Variants in CNTN1 observed in about 807,000 individuals in gnomAD.
CNTN1 encodes contactin-1.
A neutral mutation model predicts 126.4 loss-of-function variants in CNTN1; 38 were observed. The observed-to-expected ratio is 0.30, with a 90% confidence interval of 0.23 to 0.39. CNTN1 has a LOEUF of 0.39. Among genes scored for constraint, CNTN1 ranks in the 10% least tolerant of loss-of-function variants. The pLI, the probability that CNTN1 is intolerant of heterozygous loss-of-function variation, is 1.00. For synonymous variants in CNTN1, 413 were observed against 422.6 expected (o/e 0.98, Z 0.28); for missense variants, 1,009 against 1,248.4 (o/e 0.81, Z 2.89).
At chr12:40,828,610 G>A (rs1188055525) in intron 1 of CNTN1, among the ~76,000 whole-genome samples, 1 of 152,198 alleles carries the variant, frequency 6.6e-6, no homozygotes, top group African/African-American at 2.4e-5. Flanking sequence ...TTACCTCCTT[G>A]TGGGGAAGTT....
rs33992864 is a variant in CNTN1, at chr12:40,759,774, A to ATTTTTTTTTTTTTTTTTTTTTT, written c.-77+67201_-77+67202insTTTTTTTTTTTTTTTTTTTTTT. On this transcript the variant is annotated intron_variant, in intron 1 of 23. Coordinates refer to ENST00000551295, the MANE Select transcript of CNTN1 (RefSeq NM_001843.4). ...GTGAGCCACCTCACTTGGCCCAGATATTTTTTTTTTTTTTTTTTTCAAAAA... is the reference window on the plus strand; with the variant it reads ...GTGAGCCACCTCACTTGGCCCAGATATTTTTTTTTTTTTTTTTTTTTTTTTTTTTTTTTTTTTTTTTCAAAAA... 2.8e-4 allele frequency among the ~76,000 whole-genome samples: 38 copies of ATTTTTTTTTTTTTTTTTTTTTT among 133,570 alleles called. 1 individual carries two copies. The highest frequency in any genetic ancestry group is 9.8e-4 in the African/African-American group (35 of 35,646). 87.6% of individuals were successfully genotyped at this position (133,570 alleles called of 152,430 possible). A position where few individuals can be genotyped will look rare whatever the true frequency, so the allele number is the denominator to read the frequency against.
intron 1 of CNTN1, among the ~76,000 whole-genome samples, chr12:40,720,258 T>C (rs546212930): frequency 5.3e-5 from 8 of 152,154 alleles, no homozygotes; most frequent in Admixed American, 3.3e-4. Flanking sequence ...ATCAAAAGAG[T>C]AAGTTTTGAA....
chr12:40,731,901 T>C (rs923470092), intron 1 of CNTN1, among the ~76,000 whole-genome samples: 2 of 151,986 alleles, frequency 1.3e-5, no homozygotes, highest in African/African-American at 2.4e-5. Context: ...TAGATTCTAA[T>C]ACAGGAACAA....
At chr12:40,867,691 T>C (rs1366359317) in intron 1 of CNTN1, among the ~76,000 whole-genome samples, 1 of 152,110 alleles carries the variant, frequency 6.6e-6, no homozygotes, top group African/African-American at 2.4e-5. Flanking sequence ...TTGAAGTTTT[T>C]CTGCTCTGAC....
At position 40,848,850 on chromosome 12, in the gene CNTN1, C is replaced by T. The variant is rs534803887; in HGVS notation, c.-76-59507C>T. On this transcript the variant is annotated intron_variant, in intron 1 of 23. Coordinates refer to ENST00000551295, the MANE Select transcript of CNTN1 (RefSeq NM_001843.4). ...GTTTTTTTTTTTTTTTTTCCAGTAA[C>T]AGTAGGGACTGGTTATAAAGGAGAA... is the stretch of plus-strand genomic sequence containing the variant. Among the ~76,000 whole-genome samples, 764 of 142,636 alleles carry T rather than the reference C, an allele frequency of 5.4e-3. 5 individuals are homozygous for T. The highest frequency in any genetic ancestry group is 0.019 in the African/African-American group (719 of 38,754). 93.6% of individuals were successfully genotyped at this position (142,636 alleles called of 152,430 possible). A position where few individuals can be genotyped will look rare whatever the true frequency, so the allele number is the denominator to read the frequency against.
chr12:40,848,509 C>G (rs1942599677), intron 1 of CNTN1, among the ~76,000 whole-genome samples: 2 of 152,310 alleles, frequency 1.3e-5, no homozygotes, highest in South Asian at 4.1e-4. Flanking sequence ...GAGTTAGCAT[C>G]TAGCCCCTCA....
At chr12:40,904,357 C>CTTCCTTCCTTTCCTTCCT (rs11281401) in intron 1 of CNTN1, among the ~76,000 whole-genome samples, 9 of 146,462 alleles carry the variant, frequency 6.1e-5, no homozygotes, top group East Asian at 4.1e-4. Flanking sequence ...TTTTTCCTTC[C>CTTCCTTCCTTTCCTTCCT]TTCCTTCCTT....
rs113042613 is a variant in CNTN1 at position 40,705,533 on chromosome 12, C to CT, written c.-77+12951dup. 3.3e-3 allele frequency among the ~76,000 whole-genome samples: 496 copies of CT among 148,066 alleles called. 1 individual carries two copies. Among genetic ancestry groups the CT allele is most frequent in the African/African-American group, 0.01 (424 of 40,478 alleles). ...AGAATTCTGGGCAAAAGTAACATCT[C>CT]TTTTTTTTTTATTATACTTTAAGTT... On this transcript the variant is annotated intron_variant, in intron 1 of 23. Coordinates refer to ENST00000551295, the MANE Select transcript of CNTN1 (RefSeq NM_001843.4).
At chr12:40,775,277 T>C (rs1939533824) in intron 1 of CNTN1, among the ~76,000 whole-genome samples, 1 of 151,426 alleles carries the variant, frequency 6.6e-6, no homozygotes, top group Non-Finnish European at 1.5e-5. Flanking sequence ...CAATTAAATG[T>C]TTTTAAATAT....
At chr12:40,820,874 ATTGT>A (rs1941421416) in intron 1 of CNTN1, among the ~76,000 whole-genome samples, 2 of 152,020 alleles carry the variant, frequency 1.3e-5, no homozygotes, top group South Asian at 4.2e-4. Flanking sequence ...TTGTTTATTT[ATTGT>A]TTGTTTTGTT....
intron 1 of CNTN1, among the ~76,000 whole-genome samples, chr12:40,759,448 C>T (rs1938750960): frequency 6.8e-6 from 1 of 148,112 alleles, no homozygotes; most frequent in African/African-American, 2.5e-5. Context: ...TCCCCTTCTT[C>T]CCTTCCCTTC....
chr12:40,876,762 T>G (rs1943683249), intron 1 of CNTN1, among the ~76,000 whole-genome samples: 1 of 152,164 alleles, frequency 6.6e-6, no homozygotes, highest in Non-Finnish European at 1.5e-5. Context: ...GAAATTTCTC[T>G]GCTTCCTTGA....
At chr12:41,052,158 T>C (rs1438421424) in intron 23 of CNTN1, among the ~76,000 whole-genome samples, 1 of 152,208 alleles carries the variant, frequency 6.6e-6, no homozygotes, top group Non-Finnish European at 1.5e-5. Context: ...GTACAGTTTA[T>C]ATCCCGGATA....
intron 23 of CNTN1, among the ~76,000 whole-genome samples, chr12:41,029,970 G>T (rs1205668723): frequency 6.6e-6 from 1 of 151,576 alleles, no homozygotes; most frequent in Non-Finnish European, 1.5e-5. Context: ...CTATATGCAT[G>T]ATATAGTTTA....
chr12:40,881,351 T>C (rs1001378901), intron 1 of CNTN1, among the ~76,000 whole-genome samples: 1 of 151,868 alleles, frequency 6.6e-6, no homozygotes, highest in Non-Finnish European at 1.5e-5. Context: ...GTGATATTCA[T>C]GTGCAAAATT....
intron 14 of CNTN1, among the ~76,000 whole-genome samples, chr12:40,949,622 A>T (rs1228078248): frequency 8.7e-6 from 1 of 114,834 alleles, no homozygotes; most frequent in African/African-American, 3.5e-5. Flanking sequence ...CTTGTTGCCC[A>T]GGCTGGAGTG....
intron 1 of CNTN1, chr12:40,763,267 T>C (rs1359046747): frequency 1.3e-5 from 2 of 152,256 alleles, no homozygotes; most frequent in African/African-American, 2.4e-5. Flanking sequence ...GCCACCTTTA[T>C]GGCAGTGCCA....
intron 1 of CNTN1, among the ~76,000 whole-genome samples, chr12:40,816,082 G>A (rs1424865620): frequency 4.6e-5 from 7 of 152,188 alleles, no homozygotes; most frequent in African/African-American, 1.7e-4. Flanking sequence ...TTGCATTGAT[G>A]TTCATCAGGG....
At chr12:41,026,747 T>G (rs1251299718) in intron 21 of CNTN1, among the ~76,000 whole-genome samples, 6 of 152,154 alleles carry the variant, frequency 3.9e-5, no homozygotes, top group Admixed American at 6.6e-5. Flanking sequence ...ATTGAAAGAT[T>G]TTAAAACAGA....
Sources: allele counts gnomAD v4.1 joint callset (sites outside exome capture counted in the v4.1 genomes callset), GRCh38; gene constraint gnomAD v4.1.1; transcripts MANE v1.5; gene names NCBI Gene and HGNC (gene_info 2026-07-23, HGNC 2026-07-21).